The following LPP variants were observed in gnomAD, a reference collection of about 807,000 sequenced individuals.
LPP encodes LIM domain containing preferred translocation partner in lipoma, also known as lipoma-preferred partner.
Under a neutral mutation model 60.4 loss-of-function variants are expected in LPP, and 38 were observed. That is an observed-to-expected ratio of 0.63 (90% confidence interval 0.49 to 0.83). The LOEUF is 0.83. LPP is among the 40% of genes least tolerant of loss of function. The pLI is 0.00. For missense variants in LPP, 902 were observed against 783.6 expected (o/e 1.15, Z -1.80); for synonymous variants, 328 against 290.8 (o/e 1.13, Z -1.30).
chr3:188,429,383 C>T (rs576344316), intron 4 of LPP, among the ~76,000 whole-genome samples: 4 of 152,044 alleles, frequency 2.6e-5, no homozygotes, highest in Non-Finnish European at 5.9e-5. Context: ...AAGACAAAGC[C>T]AAAGTAATGA....
At chr3:188,696,739 A>G (rs556646290) in intron 7 of LPP, among the ~76,000 whole-genome samples, 4 of 152,284 alleles carry the variant, frequency 2.6e-5, no homozygotes, top group South Asian at 2.1e-4. Context: ...CCTAGAACCT[A>G]TATATCTAAG....
intron 9 of LPP, among the ~76,000 whole-genome samples, chr3:188,859,643 C>G (rs1180692712): frequency 2.0e-5 from 3 of 152,138 alleles, no homozygotes; most frequent in African/African-American, 7.2e-5. Context: ...GGAGGCAGCT[C>G]TGCTCTTTAG....
intron 2 of LPP, among the ~76,000 whole-genome samples, chr3:188,300,410 C>T (rs1749402257): frequency 6.7e-6 from 1 of 149,998 alleles, no homozygotes; most frequent in Non-Finnish European, 1.5e-5. Flanking sequence ...TAGCTGCTTA[C>T]CAAGAAAGGA....
chr3:188,268,014 A>G (rs986214635), intron 2 of LPP, among the ~76,000 whole-genome samples: 8 of 124,402 alleles, frequency 6.4e-5, no homozygotes, highest in Non-Finnish European at 1.1e-4. Flanking sequence ...ACTATTTTTA[A>G]GGATTTTTTT....
chr3:188,348,640 C>T (rs1346601398), intron 3 of LPP, among the ~76,000 whole-genome samples: 1 of 152,122 alleles, frequency 6.6e-6, no homozygotes, highest in Non-Finnish European at 1.5e-5. Context: ...GTCTGAGGAC[C>T]GGAAGCATCA....
intron 3 of LPP, among the ~76,000 whole-genome samples, chr3:188,366,206 G>T (rs1307419165): frequency 1.3e-5 from 2 of 152,192 alleles, no homozygotes; most frequent in African/African-American, 4.8e-5. Context: ...TCTCGTAAAT[G>T]ACAGGATTTC....
Position 188,497,590 on chromosome 3 carries a change from C to T in LPP, c.306+12886C>T, listed in dbSNP as rs147608607. Among the ~76,000 whole-genome samples, 126 of 152,232 alleles carry T rather than the reference C, an allele frequency of 8.3e-4. 4 individuals are homozygous for T. The South Asian group carries it at 0.021, about 26-fold the overall frequency. On this transcript the variant is annotated intron_variant, in intron 5 of 11. Coordinates refer to ENST00000617246, the MANE Select transcript of LPP (RefSeq NM_001375462.1). ...TCAAGCCATCACTTTCTAAAATATA[C>T]GCACTTCAGAGTGAAAGTTCAGTGT...
intron 6 of LPP, among the ~76,000 whole-genome samples, chr3:188,564,706 A>G (rs376691510): frequency 6.6e-6 from 1 of 151,978 alleles, no homozygotes. Context: ...CCATGTCAGC[A>G]ACTAGACAAC....
At chr3:188,708,418 C>T (rs1242195417) in intron 8 of LPP, 25 bp downstream of exon 8, 4 of 1,614,140 alleles carry the variant, frequency 2.5e-6, no homozygotes, top group Non-Finnish European at 3.4e-6. Context: ...GAGCTGACTT[C>T]TGAAGTAACT....
At chr3:188,253,338 G>T (rs1730585733) in intron 2 of LPP, among the ~76,000 whole-genome samples, 1 of 152,050 alleles carries the variant, frequency 6.6e-6, no homozygotes. Context: ...TAACACCCGT[G>T]TTATCTGCAT....
At chr3:188,666,217 C>A (rs1482601021) in intron 7 of LPP, among the ~76,000 whole-genome samples, 7 of 152,140 alleles carry the variant, frequency 4.6e-5, no homozygotes, top group African/African-American at 1.7e-4. Context: ...AATTAACAAG[C>A]AAAATTGTGT....
intron 9 of LPP, among the ~76,000 whole-genome samples, chr3:188,771,563 A>AAG (rs1553842316): frequency 0.31 from 27,970 of 91,622 alleles, 2,455 homozygotes; most frequent in East Asian, 0.5. Flanking sequence ...AAAAAAAAAA[A>AAG]AAAGAAAGAA....
At chr3:188,462,834 C>T (rs1262927582) in intron 4 of LPP, among the ~76,000 whole-genome samples, 1 of 151,860 alleles carries the variant, frequency 6.6e-6, no homozygotes, top group East Asian at 1.9e-4. Flanking sequence ...TAGCCGAGCA[C>T]GGTGGGTCAC....
chr3:188,373,128 C>T (rs1018772559), intron 3 of LPP, among the ~76,000 whole-genome samples: 3 of 151,982 alleles, frequency 2.0e-5, no homozygotes, highest in East Asian at 1.9e-4. Context: ...TGGGTTGGTT[C>T]GAAGTCTTTG....
chr3:188,282,550 G>T lies in LPP; in HGVS notation c.-67+57023G>T, dbSNP rs914524283. Among the ~76,000 whole-genome samples the T allele has an allele frequency of 5.9e-5, 9 of 152,252 alleles. No homozygotes were observed. In the South Asian group the frequency reaches 1.7e-3, roughly 28 times the overall value. On this transcript the variant is annotated intron_variant, in intron 2 of 11. Coordinates refer to ENST00000617246, the MANE Select transcript of LPP (RefSeq NM_001375462.1). ...CAGAGCCTCTGTCTTGAGACTTGCT[G>T]TGTGTTTTCTTGGCCTCCCAATGCT...
chr3:188,402,309 A>G (rs777438762), intron 3 of LPP, among the ~76,000 whole-genome samples: 18 of 152,254 alleles, frequency 1.2e-4, no homozygotes, highest in Non-Finnish European at 2.5e-4. Flanking sequence ...CAAATTATAG[A>G]TAAAATAGCC....
rs1391089200 is a variant in LPP at position 188,524,778 on chromosome 3, G to A, written c.420G>A (p.Arg140=). ...DLECSSPYKP[R]PPQSSTGSTA... ...AGTGCAGCTCCCCCTATAAGCCTCG[G>A]CCTCCACAGGTTAGTGCAGCCCACA... The change falls in exon 6 of 12, where the codon CGG becomes CGA. Residue 140 remains arginine (R), a synonymous_variant. Coordinates refer to ENST00000617246, the MANE Select transcript of LPP (RefSeq NM_001375462.1). 1.2e-6 allele frequency: 2 copies of A among 1,613,622 alleles called. No homozygotes were observed. The highest frequency in any genetic ancestry group is 1.7e-6 in the Non-Finnish European group (2 of 1,179,798).
intron 6 of LPP, among the ~76,000 whole-genome samples, chr3:188,596,626 AC>A (rs942953667): frequency 5.3e-5 from 8 of 152,306 alleles, no homozygotes; most frequent in African/African-American, 1.9e-4. Context: ...GAAAAAAAAA[AC>A]TGAGCAAACA....
intron 7 of LPP, among the ~76,000 whole-genome samples, chr3:188,656,716 C>T (rs1320056292): frequency 6.6e-6 from 1 of 152,188 alleles, no homozygotes; most frequent in Non-Finnish European, 1.5e-5. Flanking sequence ...GTAAGCACAT[C>T]ACACTCATTT....
Sources: gnomAD v4.1 joint callset for allele counts (sites outside exome capture counted in the v4.1 genomes callset) on GRCh38, gnomAD v4.1.1 for gene constraint, MANE v1.5 for transcripts, NCBI Gene and HGNC (gene_info 2026-07-23, HGNC 2026-07-21) for gene names.